SMG1: variants seen among roughly 807,000 people sequenced by gnomAD.
The protein encoded by SMG1 is serine/threonine-protein kinase SMG1.
Under a neutral mutation model 419.9 loss-of-function variants are expected in SMG1, and 22 were observed. That is an observed-to-expected ratio of 0.05 (90% CI 0.04 to 0.07). The LOEUF is 0.07. Ranked by LOEUF, SMG1 falls within the 10% of genes least tolerant of loss-of-function variation. SMG1 has a pLI of 1.00. For synonymous variants in SMG1, 1,538 were observed against 1,553.5 expected (o/e 0.99, Z 0.23); for missense variants, 3,185 against 4,342.0 (o/e 0.73, Z 7.49).
intron 23 of SMG1, among the ~76,000 whole-genome samples, chr16:18,864,370 G>A (rs749209477): frequency 1.5e-4 from 22 of 151,694 alleles, no homozygotes; most frequent in Non-Finnish European, 2.7e-4. Flanking sequence ...TAATTTTCTT[G>A]TATTTTTAGT....
rs991321789 is a variant in SMG1 at position 18,832,990 on chromosome 16, T to C, written c.8742A>G (p.Ala2914=). ...GTGTTTCTTCTTCCAGTCCCATAGC[T>C]GCGTTTCTTAAGTAGGCCTGAAGAG... The part of the protein sequence containing the change: ...VESLQAYLRN[A]AMGLEEETHA... Residue 2914 remains alanine, a synonymous_variant, in exon 51 of 63, where the codon GCA becomes GCG. Transcript: ENST00000446231. 4.3e-6 allele frequency: 7 copies of C among 1,613,854 alleles called. No individual in the cohort carries two copies. The highest frequency in any genetic ancestry group is 5.1e-6 in the Non-Finnish European group (6 of 1,179,896).
intron 1 of SMG1, chr16:18,925,690 G>C: frequency 2.8e-5 from 3 of 109,042 alleles, no homozygotes; most frequent in South Asian, 3.2e-4. Flanking sequence ...TCCTGGTCCC[G>C]ACCCCAGGCC....
intron 30 of SMG1, among the ~76,000 whole-genome samples, 152 bp from the exon 31 acceptor site, chr16:18,854,019 T>C (rs2034755980): frequency 6.6e-6 from 1 of 151,178 alleles, no homozygotes; most frequent in African/African-American, 2.4e-5. Context: ...GCTCCTACTG[T>C]CTTAGCCTCC....
intron 1 of SMG1, among the ~76,000 whole-genome samples, chr16:18,920,103 C>G (rs1318638385): frequency 6.6e-6 from 1 of 151,244 alleles, no homozygotes; most frequent in Non-Finnish European, 1.5e-5. Flanking sequence ...AAAAAAAGGC[C>G]GGGTGCAGTG....
intron 39 of SMG1, among the ~76,000 whole-genome samples, chr16:18,843,967 C>A (rs1048054746): frequency 6.6e-6 from 1 of 151,704 alleles, no homozygotes; most frequent in African/African-American, 2.4e-5. Flanking sequence ...TAAAATTATT[C>A]TTTAAATGTA....
chr16:18,843,267 G>T (rs1399177185), intron 39 of SMG1, among the ~76,000 whole-genome samples: 5 of 152,184 alleles, frequency 3.3e-5, no homozygotes, highest in Non-Finnish European at 5.9e-5. Context: ...AAATTTGGTG[G>T]ATCTCTAAGA....
intron 1 of SMG1, among the ~76,000 whole-genome samples, chr16:18,921,212 G>A (rs2038187663): frequency 6.6e-6 from 1 of 151,636 alleles, no homozygotes; most frequent in Non-Finnish European, 1.5e-5. Flanking sequence ...TATTAGTGGT[G>A]TGGTGGTATG....
chr16:18,881,784 T>C (rs906193801), intron 10 of SMG1, among the ~76,000 whole-genome samples: 6 of 152,192 alleles, frequency 3.9e-5, no homozygotes, highest in Non-Finnish European at 8.8e-5. Context: ...CCATCTTATG[T>C]TCAGAGAAGA....
In SMG1 at chr16:18,859,671, G is replaced by T. The variant is rs751761515; in HGVS notation, c.3838C>A (p.Pro1280Thr). 1.6e-5 allele frequency: 25 copies of T among 1,610,576 alleles called. No homozygotes were observed. The highest frequency in any genetic ancestry group is 1.6e-4 in the Middle Eastern group (1 of 6,064). Reference sequence around the variant, plus strand: ...GATTTCTGAAGTTCCCTCGGATCCGGACTTAACATGTTAGGAAGCAGTTTT... The same window carrying T: ...GATTTCTGAAGTTCCCTCGGATCCGTACTTAACATGTTAGGAAGCAGTTTT... ...MKKLLPNMLS[P>T]DPRELQKSIE... Residue 1280 changes from proline to threonine, a missense_variant, in exon 27 of 63, where the codon CCG becomes ACG. Pro to Thr is a conservative substitution (Grantham distance 38, BLOSUM62 -1). Coordinates refer to ENST00000446231, the MANE Select transcript of SMG1 (RefSeq NM_015092.5).
At position 18,804,906 on chromosome 16, in the gene SMG1, C is replaced by T. The variant is rs1045720459; in HGVS notation, c.*4663G>A. On this transcript the variant is annotated 3_prime_UTR_variant, in exon 63 of 63. Transcript: ENST00000446231. ...TTTTCTGAAAAACAGGTATTTCATA[C>T]AATCTTTGCCATGTTAATGCAAATA... 1.3e-5 allele frequency: 2 copies of T among 152,640 alleles called. No homozygotes were observed. Among genetic ancestry groups the T allele is most frequent in the Admixed American group, 1.3e-4 (2 of 15,286 alleles). 9.5% of individuals were successfully genotyped at this position (152,640 alleles called of 1,614,324 possible). A position where few individuals can be genotyped will look rare whatever the true frequency, so the allele number is the denominator to read the frequency against.
intron 1 of SMG1, among the ~76,000 whole-genome samples, chr16:18,919,493 G>C (rs1208718141): frequency 6.6e-6 from 1 of 151,204 alleles, no homozygotes; most frequent in Admixed American, 6.6e-5. Context: ...GCATCATAGC[G>C]GGCACCTGCA....
At chr16:18,918,642 G>A (rs1030170231) in intron 1 of SMG1, among the ~76,000 whole-genome samples, 10 of 152,162 alleles carry the variant, frequency 6.6e-5, no homozygotes, top group Non-Finnish European at 1.0e-4. Flanking sequence ...TTCACCTCCT[G>A]GGTTCAAGCG....
intron 1 of SMG1, among the ~76,000 whole-genome samples, chr16:18,903,168 G>A (rs902024463): frequency 2.6e-5 from 4 of 152,126 alleles, no homozygotes; most frequent in African/African-American, 9.7e-5. Flanking sequence ...ACATGATAAA[G>A]ATTTGACTTC....
chr16:18,902,990 A>AT (rs966134270), intron 1 of SMG1, among the ~76,000 whole-genome samples: 1 of 151,436 alleles, frequency 6.6e-6, no homozygotes, highest in Non-Finnish European at 1.5e-5. Context: ...CAACTTTTGT[A>AT]TTTTTTTTGT....
chr16:18,828,014 G>T lies in SMG1; in HGVS notation c.9741+17C>A. Reference sequence around the variant, plus strand: ...TAAAAAGAAAATGCCCTGGAAGGAAGATCTGGCAAAACACACCTGAACTGT... The same window carrying T: ...TAAAAAGAAAATGCCCTGGAAGGAATATCTGGCAAAACACACCTGAACTGT... On this transcript the variant is annotated intron_variant, in intron 55 of 62. Transcript: ENST00000446231. 1 of 1,606,826 alleles carries T rather than the reference G, an allele frequency of 6.2e-7. No homozygotes were observed. The highest frequency in any genetic ancestry group is 1.1e-5 in the South Asian group (1 of 89,906).
At chr16:18,843,934 G>C (rs1182933717) in intron 39 of SMG1, among the ~76,000 whole-genome samples, 1 of 152,002 alleles carries the variant, frequency 6.6e-6, no homozygotes, top group Admixed American at 6.6e-5. Context: ...ATCTAAAAGA[G>C]AGACACAGGT....
chr16:18,858,327 A>T, intron 28 of SMG1, 37 bp from the exon 29 acceptor site: 5 of 1,565,422 alleles, frequency 3.2e-6, no homozygotes, highest in Non-Finnish European at 4.3e-6. Context: ...AACATAAAAC[A>T]GGCTGTTGAT....
chr16:18,852,072 T>C lies in SMG1; in HGVS notation c.5047A>G (p.Ile1683Val), dbSNP rs79443600. Reference sequence around the variant, plus strand: ...AAGCACCATGTTTTCCTTGCCTGAATCCCCGCCGGCCGACACACAGCCTGT... The same window carrying C: ...AAGCACCATGTTTTCCTTGCCTGAACCCCCGCCGGCCGACACACAGCCTGT... ...LGQAVCRPAG[I>V]QDEDITLQIT... Residue 1683 changes from isoleucine to valine, a missense_variant, in exon 33 of 63, where the codon ATT (isoleucine) becomes GTT (valine). Ile to Val is a conservative substitution (Grantham distance 29). This residue lies in a region of SMG1 where 493 missense variants were observed against 552.9 expected (regional missense o/e 0.89). Coordinates refer to ENST00000446231, the MANE Select transcript of SMG1 (RefSeq NM_015092.5). The C allele has an allele frequency of 6.2e-7, 1 of 1,605,708 alleles. No homozygotes were observed. The highest frequency in any genetic ancestry group is 8.5e-7 in the Non-Finnish European group (1 of 1,177,178).
chr16:18,854,062 T>A (rs1321524806), intron 30 of SMG1, among the ~76,000 whole-genome samples, 195 bp from the exon 31 acceptor site: 1 of 148,236 alleles, frequency 6.7e-6, no homozygotes, highest in Non-Finnish European at 1.5e-5. Flanking sequence ...TGAGCCACTA[T>A]GCCTAGCCAA....
Sources: gnomAD v4.1 joint callset for allele counts (sites outside exome capture counted in the v4.1 genomes callset) on GRCh38, gnomAD v4.1.1 for gene constraint, gnomAD v4.1.1 regional missense constraint, MANE v1.5 for transcripts, NCBI Gene and HGNC (gene_info 2026-07-23, HGNC 2026-07-21) for gene names.